Variants in IMMP2L observed in about 807,000 individuals in gnomAD.
IMMP2L encodes inner mitochondrial membrane peptidase subunit 2.
A neutral mutation model predicts 19.3 loss-of-function variants in IMMP2L; 18 were observed. The observed-to-expected ratio is 0.93, with a 90% confidence interval of 0.64 to 1.38. The LOEUF (loss-of-function observed/expected upper bound fraction) is 1.38. Ranked by LOEUF, IMMP2L falls within the 40% of genes most tolerant of loss-of-function variation. The pLI is 0.00. For missense variants in IMMP2L, 233 were observed against 218.2 expected (o/e 1.07, Z -0.43); for synonymous variants, 76 against 73.0 (o/e 1.04, Z -0.21).
At chr7:110,981,202 G>T (rs1821259082) in intron 3 of IMMP2L, among the ~76,000 whole-genome samples, 1 of 151,928 alleles carries the variant, frequency 6.6e-6, no homozygotes, top group African/African-American at 2.4e-5. Context: ...AGAAAGTTGT[G>T]TATAAATGTA....
intron 2 of IMMP2L, among the ~76,000 whole-genome samples, chr7:111,493,828 G>A (rs911545837): frequency 1.3e-5 from 2 of 151,232 alleles, no homozygotes; most frequent in Non-Finnish European, 2.9e-5. Flanking sequence ...TCAACACGGT[G>A]AAACCCCGTC....
chr7:111,322,625 A>C (rs867924031), intron 3 of IMMP2L, among the ~76,000 whole-genome samples: 1 of 151,676 alleles, frequency 6.6e-6, no homozygotes, highest in African/African-American at 2.4e-5. Context: ...ATATACTAAT[A>C]TTAGTAATAT....
At chr7:111,409,275 A>G (rs1409516388) in intron 3 of IMMP2L, among the ~76,000 whole-genome samples, 1 of 151,688 alleles carries the variant, frequency 6.6e-6, no homozygotes, top group Admixed American at 6.6e-5. Context: ...TCCACCTAGA[A>G]AGCAATGCAT....
intron 3 of IMMP2L, among the ~76,000 whole-genome samples, chr7:111,050,027 G>A (rs1239539689): frequency 6.6e-6 from 1 of 152,028 alleles, no homozygotes; most frequent in Non-Finnish European, 1.5e-5. Context: ...TCCTCTCCTT[G>A]GTCAAAGGTT....
intron 2 of IMMP2L, among the ~76,000 whole-genome samples, chr7:111,502,292 C>A (rs1844364128): frequency 6.6e-6 from 1 of 152,090 alleles, no homozygotes; most frequent in African/African-American, 2.4e-5. Flanking sequence ...TATATGCACC[C>A]AATACAGGAG....
chr7:111,323,774 A>T (rs1825010576), intron 3 of IMMP2L, among the ~76,000 whole-genome samples: 1 of 152,136 alleles, frequency 6.6e-6, no homozygotes, highest in Non-Finnish European at 1.5e-5. Context: ...GGATAAAGAA[A>T]ATGTGGCACA....
intron 3 of IMMP2L, among the ~76,000 whole-genome samples, chr7:110,973,403 C>A (rs899659039): frequency 6.6e-6 from 1 of 152,092 alleles, no homozygotes; most frequent in African/African-American, 2.4e-5. Flanking sequence ...ACAACCATAT[C>A]TCAACCTGTG....
chr7:111,519,608 C>T (rs1293061207), intron 2 of IMMP2L, among the ~76,000 whole-genome samples: 1 of 152,022 alleles, frequency 6.6e-6, no homozygotes, highest in Non-Finnish European at 1.5e-5. Context: ...GGGGATAAGC[C>T]TTGTCCTTTC....
chr7:110,948,748 C>T (rs1328214182), intron 4 of IMMP2L, among the ~76,000 whole-genome samples: 1 of 152,102 alleles, frequency 6.6e-6, no homozygotes, highest in Non-Finnish European at 1.5e-5. Flanking sequence ...ACTAAGAGAA[C>T]TGGTAAAGGT....
chr7:111,036,935 A>C, intron 3 of IMMP2L, among the ~76,000 whole-genome samples: 1 of 152,180 alleles, frequency 6.6e-6, no homozygotes, highest in East Asian at 1.9e-4. Context: ...TTGTTTATTA[A>C]TGTTTTCAAG....
Position 110,952,204 on chromosome 7 carries a change from A to G in IMMP2L, c.305+11296T>C, listed in dbSNP as rs868288258. ...AAGGTACAAAAGTTACTGTTTCTCT[A>G]TATCACTACTTGGAGTTCATACCTT... On this transcript the variant is annotated intron_variant, in intron 4 of 5. Coordinates refer to ENST00000405709, the MANE Select transcript of IMMP2L (RefSeq NM_032549.4). Among the ~76,000 whole-genome samples, 4 of 152,152 alleles carry G rather than the reference A, an allele frequency of 2.6e-5. No homozygotes were observed. In the South Asian group the frequency reaches 8.3e-4, roughly 31 times the overall value.
chr7:111,057,052 A>C lies in IMMP2L; in HGVS notation c.240-93487T>G, dbSNP rs187138414. On this transcript the variant is annotated intron_variant, in intron 3 of 5. Coordinates refer to ENST00000405709, the MANE Select transcript of IMMP2L (RefSeq NM_032549.4). ...CTTGGAAACTTTCATTTTTACTCAC[A>C]GATATGATTTTTTCAAATTGTTAAT... is the stretch of plus-strand genomic sequence containing the variant. 1.0e-3 allele frequency among the ~76,000 whole-genome samples: 157 copies of C among 152,296 alleles called. 1 individual carries two copies. The highest frequency in any genetic ancestry group is 1.0e-4 in the Non-Finnish European group (7 of 68,018).
At chr7:110,989,303 G>A (rs182493937) in intron 3 of IMMP2L, among the ~76,000 whole-genome samples, 84 of 151,986 alleles carry the variant, frequency 5.5e-4, no homozygotes, top group Admixed American at 3.5e-3. Flanking sequence ...TTAGGAGACC[G>A]AAGTGGGAGG....
At chr7:110,986,206 G>A (rs1821833951) in intron 3 of IMMP2L, among the ~76,000 whole-genome samples, 1 of 151,650 alleles carries the variant, frequency 6.6e-6, no homozygotes, top group Non-Finnish European at 1.5e-5. Context: ...AAAATATGCT[G>A]AGCTTAAAAA....
intron 3 of IMMP2L, among the ~76,000 whole-genome samples, chr7:111,200,439 C>T (rs1032882419): frequency 6.6e-6 from 1 of 151,998 alleles, no homozygotes; most frequent in African/African-American, 2.4e-5. Flanking sequence ...GTTTGCCCAA[C>T]AGTAGGGATT....
chr7:111,198,745 T>C (rs1809770726), intron 3 of IMMP2L, among the ~76,000 whole-genome samples: 1 of 152,198 alleles, frequency 6.6e-6, no homozygotes, highest in African/African-American at 2.4e-5. Flanking sequence ...TCCTCTGTTA[T>C]TAGGACTCGT....
At position 111,375,739 on chromosome 7, in the gene IMMP2L, A is replaced by G. The variant is rs188455807; in HGVS notation, c.239+111499T>C. ...GGGATTCACCATGTTGGCCAGGCTC[A>G]TCTTGAACTCTTCACCTCAAGTGAT... On this transcript the variant is annotated intron_variant, in intron 3 of 5. Transcript: ENST00000405709. 8.7e-4 allele frequency among the ~76,000 whole-genome samples: 132 copies of G among 152,122 alleles called. 2 individuals carry two copies. The highest frequency in any genetic ancestry group is 6.4e-3 in the Admixed American group (98 of 15,246).
intron 4 of IMMP2L, among the ~76,000 whole-genome samples, chr7:110,906,856 G>A (rs1465258165): frequency 6.6e-6 from 1 of 152,140 alleles, no homozygotes; most frequent in African/African-American, 2.4e-5. Flanking sequence ...TATGATGACT[G>A]ATAGTGAAGC....
chr7:110,793,194 TG>T (rs1264633363), intron 5 of IMMP2L, among the ~76,000 whole-genome samples: 1 of 151,872 alleles, frequency 6.6e-6, no homozygotes, highest in Admixed American at 6.6e-5. Context: ...CCGAAGTGGG[TG>T]GATCACTTGA....
Sources: allele counts gnomAD v4.1 joint callset (sites outside exome capture counted in the v4.1 genomes callset), GRCh38; gene constraint gnomAD v4.1.1; transcripts MANE v1.5; gene names NCBI Gene and HGNC (gene_info 2026-07-23, HGNC 2026-07-21).